Variants in TTLL7 observed in about 807,000 individuals in gnomAD.
TTLL7 encodes tubulin polyglutamylase TTLL7.
In TTLL7, 53 loss-of-function variants were observed where a neutral mutation model predicts 120.2. The ratio of observed to expected loss-of-function variants is 0.44; its 90% CI spans 0.35 to 0.55. TTLL7 has a LOEUF of 0.55. TTLL7 is among the 20% of genes least tolerant of loss of function. TTLL7 has a pLI of 0.00. For missense variants in TTLL7, 803 were observed against 1,054.7 expected (o/e 0.76, Z 3.31); for synonymous variants, 353 against 351.7 (o/e 1.00, Z -0.04).
At chr1:83,949,637 T>G in intron 4 of TTLL7, 1 of 459,630 alleles carries the variant, frequency 2.2e-6, no homozygotes, top group South Asian at 3.0e-5. Flanking sequence ...GAAGAGGTTT[T>G]TTCTATTGAT....
At chr1:83,987,869 T>C (rs993309772) in intron 1 of TTLL7, among the ~76,000 whole-genome samples, 1 of 152,082 alleles carries the variant, frequency 6.6e-6, no homozygotes, top group African/African-American at 2.4e-5. Context: ...CCTATTTGTT[T>C]ATTTATTCTA....
chr1:83,964,888 C>T (rs1004599445), intron 1 of TTLL7, among the ~76,000 whole-genome samples: 2 of 152,002 alleles, frequency 1.3e-5, no homozygotes, highest in African/African-American at 4.8e-5. Flanking sequence ...TCAGTTGTGC[C>T]TCATGGGATT....
At chr1:83,872,118 G>A (rs921683533) in intron 20 of TTLL7, among the ~76,000 whole-genome samples, 5 of 152,126 alleles carry the variant, frequency 3.3e-5, no homozygotes, top group Non-Finnish European at 5.9e-5. Context: ...GCAGCATTCA[G>A]ATTAAAATAG....
intron 1 of TTLL7, 72 bp from the exon 2 acceptor site, chr1:83,952,459 T>C (rs947302519): frequency 2.6e-6 from 1 of 377,676 alleles, no homozygotes; most frequent in African/African-American, 2.1e-5. Context: ...GCCAAGACTA[T>C]TCTTTTTAAA....
At position 83,951,923 on chromosome 1, in the gene TTLL7, T is replaced by C. The variant is rs1441338044; in HGVS notation, c.79A>G (p.Thr27Ala). ...TTCTTTCTGACTTTCCTTTTCATTG[T>C]GCTTTGATAAGGTAATTCTGTATTC... is the stretch of plus-strand genomic sequence containing the variant. Reference protein sequence around the residue: ...DLNTELPYQSTMKRKVRKKKK... With the variant: ...DLNTELPYQSAMKRKVRKKKK... The change falls in exon 3 of 21, where the codon ACA (threonine) becomes GCA (alanine). Residue 27 changes from threonine (T) to alanine (A), a missense_variant. Around this residue, in one of 3 missense-constraint regions of TTLL7, gnomAD observed 91 missense variants for 96.6 expected, o/e 0.94. Coordinates refer to ENST00000260505, the MANE Select transcript of TTLL7 (RefSeq NM_024686.6). The C allele has an allele frequency of 6.2e-7, 1 of 1,613,404 alleles. No individual in the cohort carries two copies.
At chr1:83,921,182 C>T (rs766645966) in intron 11 of TTLL7, 22 bp from the exon 12 acceptor site, 6 of 1,609,684 alleles carry the variant, frequency 3.7e-6, no homozygotes, top group East Asian at 2.2e-5. Flanking sequence ...AAAAATTTTA[C>T]AAATAAAATC....
intron 1 of TTLL7, among the ~76,000 whole-genome samples, chr1:83,996,188 G>A (rs1004724946): frequency 5.9e-5 from 9 of 151,994 alleles, no homozygotes; most frequent in South Asian, 2.1e-4. Flanking sequence ...AATGGGGGCC[G>A]GAGCTAAAAG....
intron 20 of TTLL7, among the ~76,000 whole-genome samples, chr1:83,882,366 ATGAGAACTACAGTTGTCT>A (rs1293712578): frequency 2.0e-5 from 3 of 151,658 alleles, no homozygotes; most frequent in Non-Finnish European, 2.9e-5. Context: ...TCTATTTCTA[ATGAGAACTACAGTTGTCT>A]TGAGAAATGC....
chr1:83,936,743 C>T (rs930629555), intron 8 of TTLL7, among the ~76,000 whole-genome samples: 5 of 118,504 alleles, frequency 4.2e-5, no homozygotes, highest in African/African-American at 1.6e-4. Context: ...TTTTTGAGTC[C>T]ATTGCCAACA....
At chr1:83,940,200 T>C (rs1647819517) in intron 7 of TTLL7, among the ~76,000 whole-genome samples, 1 of 152,152 alleles carries the variant, frequency 6.6e-6, no homozygotes, top group Non-Finnish European at 1.5e-5. Flanking sequence ...GGACTTAAGA[T>C]AATTATATAC....
At chr1:83,965,642 T>A (rs548578894) in intron 1 of TTLL7, among the ~76,000 whole-genome samples, 2 of 152,310 alleles carry the variant, frequency 1.3e-5, no homozygotes, top group South Asian at 4.1e-4. Context: ...AAATATTTCA[T>A]TTGAATATCT....
At chr1:83,977,310 C>T (rs1267907883) in intron 1 of TTLL7, among the ~76,000 whole-genome samples, 2 of 151,806 alleles carry the variant, frequency 1.3e-5, no homozygotes, top group South Asian at 2.1e-4. Context: ...TGGAGAATTC[C>T]GGAGACCATA....
At chr1:83,886,491 ACAT>A (rs1654985311) in intron 19 of TTLL7, among the ~76,000 whole-genome samples, 1 of 152,072 alleles carries the variant, frequency 6.6e-6, no homozygotes, top group African/African-American at 2.4e-5. Context: ...AGGGAGATTC[ACAT>A]CATTTTAAGT....
chr1:83,906,605 A>G (rs1657221287), intron 16 of TTLL7, 142 bp from the exon 17 acceptor site: 1 of 1,192,052 alleles, frequency 8.4e-7, no homozygotes, highest in Non-Finnish European at 1.2e-6. Flanking sequence ...TTTCTTTTAC[A>G]CTTGTGAATT....
At chr1:83,988,568 A>G (rs1332535811) in intron 1 of TTLL7, among the ~76,000 whole-genome samples, 1 of 152,132 alleles carries the variant, frequency 6.6e-6, no homozygotes, top group Non-Finnish European at 1.5e-5. Flanking sequence ...ACTTTTCGTT[A>G]GTTGCCATTC....
intron 15 of TTLL7, among the ~76,000 whole-genome samples, chr1:83,910,752 G>A (rs921621941): frequency 1.3e-5 from 2 of 152,050 alleles, no homozygotes; most frequent in African/African-American, 2.4e-5. Flanking sequence ...AATGCCTAGG[G>A]ATATACATAC....
At chr1:83,983,351 T>C (rs1265080716) in intron 1 of TTLL7, among the ~76,000 whole-genome samples, 2 of 151,502 alleles carry the variant, frequency 1.3e-5, no homozygotes, top group Non-Finnish European at 3.0e-5. Context: ...AATAAATAAA[T>C]AAGCAATAAG....
intron 9 of TTLL7, among the ~76,000 whole-genome samples, chr1:83,931,927 G>A (rs1456571969): frequency 6.6e-6 from 1 of 152,108 alleles, no homozygotes; most frequent in Non-Finnish European, 1.5e-5. Context: ...CAAAACACAA[G>A]GCAAGATTGA....
chr1:83,948,866 T>C (rs1200060832), intron 4 of TTLL7, 171 bp from the exon 5 acceptor site: 2 of 470,318 alleles, frequency 4.3e-6, no homozygotes, highest in East Asian at 3.4e-5. Context: ...AATTAAAGAG[T>C]ATGGTAATCA....
Sources: gnomAD v4.1 joint callset for allele counts (sites outside exome capture counted in the v4.1 genomes callset) on GRCh38, gnomAD v4.1.1 for gene constraint, gnomAD v4.1.1 regional missense constraint, MANE v1.5 for transcripts, NCBI Gene and HGNC (gene_info 2026-07-23, HGNC 2026-07-21) for gene names.